GALNT18: variants seen among roughly 807,000 people sequenced by gnomAD.
GALNT18 encodes GalNAc-transferase 18.
A neutral mutation model predicts 69.5 loss-of-function variants in GALNT18; 44 were observed. The ratio of observed to expected loss-of-function variants is 0.63; its 90% CI spans 0.50 to 0.81. GALNT18 has a LOEUF of 0.81. Ranked by LOEUF, GALNT18 falls within the 40% of genes least tolerant of loss-of-function variation. GALNT18 has a pLI of 0.00. For synonymous variants in GALNT18, 364 were observed against 318.2 expected, an observed-to-expected ratio of 1.14 and a Z score of -1.53; for missense variants, 715 against 810.0, an observed-to-expected ratio of 0.88 and a Z score of 1.42.
chr11:11,296,758 C>A (rs118033033), intron 9 of GALNT18, among the ~76,000 whole-genome samples: 2 of 152,114 alleles, frequency 1.3e-5, no homozygotes, highest in African/African-American at 4.8e-5. Context: ...ATGGGGCAGA[C>A]GATTGTTATT....
intron 1 of GALNT18, among the ~76,000 whole-genome samples, chr11:11,525,137 G>T (rs1857490184): frequency 6.6e-6 from 1 of 152,184 alleles, no homozygotes; most frequent in South Asian, 2.1e-4. Flanking sequence ...ACATTCTGGT[G>T]TTGCCGGAAT....
At chr11:11,292,306 G>T (rs1590014722) in intron 10 of GALNT18, among the ~76,000 whole-genome samples, 1 of 152,154 alleles carries the variant, frequency 6.6e-6, no homozygotes, top group African/African-American at 2.4e-5. Flanking sequence ...AGACCTCTGG[G>T]CAGAGGCAGA....
intron 6 of GALNT18, among the ~76,000 whole-genome samples, chr11:11,353,721 G>T (rs942027720): frequency 2.6e-5 from 4 of 152,094 alleles, no homozygotes; most frequent in Non-Finnish European, 5.9e-5. Flanking sequence ...GATAACACTG[G>T]CCCAAAGAAG....
At chr11:11,280,778 G>A (rs1258656335) in intron 10 of GALNT18, among the ~76,000 whole-genome samples, 1 of 152,132 alleles carries the variant, frequency 6.6e-6, no homozygotes, top group Non-Finnish European at 1.5e-5. Flanking sequence ...CCAAGGAATT[G>A]GCACTTTGGG....
chr11:11,352,442 G>A (rs1355027836), intron 6 of GALNT18: 2 of 1,614,114 alleles, frequency 1.2e-6, no homozygotes, highest in Middle Eastern at 1.6e-4. Context: ...CCTTCCGAAA[G>A]ATCATACTTG....
rs150416378 is a variant in GALNT18, at chr11:11,485,524, G to C, written c.236-36588C>G. On this transcript the variant is annotated intron_variant, in intron 1 of 10. Coordinates refer to ENST00000227756, the MANE Select transcript of GALNT18 (RefSeq NM_198516.3). Reference sequence around the variant, plus strand: ...CTCCAAGAACTTTTTGCCAGAAATGGGGATGAAGACCAACTATGCATTTCA... The same window carrying C: ...CTCCAAGAACTTTTTGCCAGAAATGCGGATGAAGACCAACTATGCATTTCA... Among the ~76,000 whole-genome samples, 129 of 152,322 alleles carry C rather than the reference G, an allele frequency of 8.5e-4. No homozygotes were observed. In the East Asian group the frequency reaches 0.024, roughly 28 times the overall value.
At chr11:11,547,688 T>C (rs886701207) in intron 1 of GALNT18, among the ~76,000 whole-genome samples, 1 of 152,188 alleles carries the variant, frequency 6.6e-6, no homozygotes, top group East Asian at 1.9e-4. Context: ...TTCTAAGCCA[T>C]CTCCCTGAAT....
At position 11,318,658 on chromosome 11, in the gene GALNT18, C is replaced by G. The variant is rs1303918684; in HGVS notation, c.1512+8428G>C. 6.6e-6 allele frequency among the ~76,000 whole-genome samples: 1 copy of G among 152,194 alleles called. No homozygotes were observed. The highest frequency in any genetic ancestry group is 1.5e-5 in the Non-Finnish European group (1 of 68,032). On this transcript the variant is annotated intron_variant, in intron 9 of 10. Transcript: ENST00000227756. The surrounding 1 kb of genome is among the most constrained non-coding windows in gnomAD (Gnocchi z 5.1). Reference sequence around the variant, plus strand: ...TCTGCAGGGGAAAAGGTCAGATGGTCAGGCTGTGACCCATAAGAGTCACTG... The same window carrying G: ...TCTGCAGGGGAAAAGGTCAGATGGTGAGGCTGTGACCCATAAGAGTCACTG...
chr11:11,567,676 T>C (rs552743650), intron 1 of GALNT18, among the ~76,000 whole-genome samples: 1 of 152,244 alleles, frequency 6.6e-6, no homozygotes, highest in Non-Finnish European at 1.5e-5. Flanking sequence ...GCATATCCTC[T>C]TATGGAGGAG....
In GALNT18 at chr11:11,421,557, T is replaced by C. The variant is rs1347091760; in HGVS notation, c.595+11064A>G. 5.3e-5 allele frequency among the ~76,000 whole-genome samples: 8 copies of C among 151,866 alleles called. No homozygotes were observed. Among genetic ancestry groups the C allele is most frequent in the Non-Finnish European group, 1.0e-4 (7 of 67,980 alleles). On this transcript the variant is annotated intron_variant, in intron 3 of 10. Transcript: ENST00000227756. This position sits in a 1 kb window ranked among gnomAD's most constrained non-coding sequence, Gnocchi z 5.6. ...GGATGAGGCAGGCATCAGAGCAAGA[T>C]TCCATTCCATCAGAGAACAGCAAGT...
chr11:11,484,730 C>A (rs913217186), intron 1 of GALNT18, among the ~76,000 whole-genome samples: 1 of 151,944 alleles, frequency 6.6e-6, no homozygotes, highest in Admixed American at 6.6e-5. Flanking sequence ...AAACAAGAGT[C>A]CCAGGGACTA....
chr11:11,597,862 G>A (rs140024459), intron 1 of GALNT18, among the ~76,000 whole-genome samples: 1,905 of 151,934 alleles, frequency 0.013, 46 homozygotes, highest in African/African-American at 0.044. Flanking sequence ...GGGTTTCACC[G>A]TGTTAGCCAG....
chr11:11,500,245 C>T lies in GALNT18; in HGVS notation c.236-51309G>A, dbSNP rs983676866. Among the ~76,000 whole-genome samples, 6 of 152,296 alleles carry T rather than the reference C, an allele frequency of 3.9e-5. No homozygotes were observed. The highest frequency in any genetic ancestry group is 5.9e-5 in the Non-Finnish European group (4 of 68,022). On this transcript the variant is annotated intron_variant, in intron 1 of 10. Coordinates refer to ENST00000227756, the MANE Select transcript of GALNT18 (RefSeq NM_198516.3). The surrounding 1 kb of genome is among the most constrained non-coding windows in gnomAD (Gnocchi z 5.0). ...GAAAAGTATAGATCCAGACAGGTAGCGTTCACTGCCAAGAACCTGCAGGAG... is the reference window on the plus strand; with the variant it reads ...GAAAAGTATAGATCCAGACAGGTAGTGTTCACTGCCAAGAACCTGCAGGAG...
At chr11:11,331,641 G>A (rs1850018258) in intron 8 of GALNT18, among the ~76,000 whole-genome samples, 1 of 152,176 alleles carries the variant, frequency 6.6e-6, no homozygotes, top group South Asian at 2.1e-4. Flanking sequence ...TCTCCAAAGG[G>A]AGGAATCAGA....
At chr11:11,612,377 G>A (rs61870417) in intron 1 of GALNT18, among the ~76,000 whole-genome samples, 9,782 of 152,166 alleles carry the variant, frequency 0.064, 445 homozygotes, top group Admixed American at 0.13. Context: ...TTCTCTATAT[G>A]CCTGTTGCTC....
intron 1 of GALNT18, among the ~76,000 whole-genome samples, chr11:11,520,808 G>T (rs1212373865): frequency 1.3e-5 from 2 of 152,204 alleles, no homozygotes; most frequent in African/African-American, 2.4e-5. Flanking sequence ...GATCAGTCCG[G>T]GGAGGGGCGT....
At chr11:11,292,970 G>A in intron 10 of GALNT18, 59 bp downstream of exon 10, 1 of 1,327,204 alleles carries the variant, frequency 7.5e-7, no homozygotes, top group Non-Finnish European at 9.8e-7. Context: ...TGGCCCCTGA[G>A]GCCACTCTCC....
rs1367188363 is a variant in GALNT18 at position 11,590,582 on chromosome 11, T to A, written c.235+30777A>T. 6.6e-6 allele frequency among the ~76,000 whole-genome samples: 1 copy of A among 152,224 alleles called. No homozygotes were observed. Among genetic ancestry groups the A allele is most frequent in the African/African-American group, 2.4e-5 (1 of 41,460 alleles). Reference sequence around the variant, plus strand: ...ATATCACTCCCAACTTGCTTTTGAATCTGTTTCCTCATTGATAAAATGAGC... The same window carrying A: ...ATATCACTCCCAACTTGCTTTTGAAACTGTTTCCTCATTGATAAAATGAGC... On this transcript the variant is annotated intron_variant, in intron 1 of 10. Transcript: ENST00000227756. The surrounding 1 kb of genome is among the most constrained non-coding windows in gnomAD (Gnocchi z 4.4).
Position 11,271,101 on chromosome 11 carries a change from G to A in GALNT18, c.*43C>T. 6.3e-7 allele frequency: 1 copy of A among 1,590,432 alleles called. No homozygotes were observed. Among genetic ancestry groups the A allele is most frequent in the Non-Finnish European group, 8.6e-7 (1 of 1,163,154 alleles). ...GACAGCAGGCAACGTTGCAGCAGGT[G>A]CTACACAGTAGCAAAGAGGCAGCCG... On this transcript the variant is annotated 3_prime_UTR_variant, in exon 11 of 11. Coordinates refer to ENST00000227756, the MANE Select transcript of GALNT18 (RefSeq NM_198516.3).
Sources: allele counts gnomAD v4.1 joint callset (sites outside exome capture counted in the v4.1 genomes callset), GRCh38; gene constraint gnomAD v4.1.1; non-coding constraint Gnocchi (gnomAD v3.1); transcripts MANE v1.5; gene names NCBI Gene and HGNC (gene_info 2026-07-23, HGNC 2026-07-21).